The following SHISA9 variants were observed in gnomAD, a reference collection of about 807,000 sequenced individuals.
SHISA9 encodes the protein protein shisa-9.
SHISA9 carries 13 observed loss-of-function variants against 38.0 expected under a neutral mutation model. The observed-to-expected ratio is 0.34, with a 90% CI of 0.22 to 0.54. The LOEUF (loss-of-function observed/expected upper bound fraction) is 0.54, where lower values mean the gene tolerates loss of function less well. SHISA9 is among the 20% of genes least tolerant of loss of function. The probability of loss-of-function intolerance (pLI) is 0.91; values close to 1 mark genes in which losing one functional copy is unlikely to be tolerated. For synonymous variants in SHISA9, 275 were observed against 242.0 expected, an observed-to-expected ratio of 1.14 and a Z score of -1.27; for missense variants, 538 against 575.8, an observed-to-expected ratio of 0.93 and a Z score of 0.67.
chr16:13,077,285 C>G (rs1238664937), intron 2 of SHISA9, among the ~76,000 whole-genome samples: 1 of 151,816 alleles, frequency 6.6e-6, no homozygotes, highest in Non-Finnish European at 1.5e-5. Flanking sequence ...TATGTCCAGA[C>G]CAGTGTTCTC....
At chr16:12,917,757 G>A (rs886230645) in intron 2 of SHISA9, among the ~76,000 whole-genome samples, 1 of 152,200 alleles carries the variant, frequency 6.6e-6, no homozygotes, top group African/African-American at 2.4e-5. Flanking sequence ...GCATTTAGTT[G>A]TGGCTGGAGG....
intron 2 of SHISA9, among the ~76,000 whole-genome samples, chr16:12,990,927 A>G (rs2072376775): frequency 6.6e-6 from 1 of 152,230 alleles, no homozygotes. Flanking sequence ...CTCAAAGATT[A>G]TAACTTCTTT....
intron 4 of SHISA9, 101 bp downstream of exon 4, chr16:13,213,401 C>A: frequency 1.8e-6 from 2 of 1,103,194 alleles, no homozygotes; most frequent in Non-Finnish European, 1.3e-6. Flanking sequence ...GACCTGTGCA[C>A]ATGTGTGTCT....
At chr16:13,555,343 T>C in the SHISA9 span, among the ~76,000 whole-genome samples, 1 of 152,206 alleles carries the variant, frequency 6.6e-6, no homozygotes, top group Non-Finnish European at 1.5e-5. Context: ...ATAGAAGCGT[T>C]TTTTGATAAT....
the SHISA9 span, among the ~76,000 whole-genome samples, chr16:13,372,448 A>C: frequency 6.6e-6 from 1 of 152,192 alleles, no homozygotes; most frequent in African/African-American, 2.4e-5. Flanking sequence ...ACAAAGTCTT[A>C]GGTCTAATTG....
At chr16:13,133,239 T>C (rs971504048) in intron 2 of SHISA9, among the ~76,000 whole-genome samples, 1 of 152,190 alleles carries the variant, frequency 6.6e-6, no homozygotes, top group Admixed American at 6.5e-5. Flanking sequence ...GGATTTTCAT[T>C]GATGTGGAGG....
chr16:13,039,022 C>A (rs1394402875), intron 2 of SHISA9, among the ~76,000 whole-genome samples: 1 of 152,122 alleles, frequency 6.6e-6, no homozygotes, highest in Non-Finnish European at 1.5e-5. Flanking sequence ...GATTCTCCTG[C>A]CTCAGCCTCC....
intron 2 of SHISA9, among the ~76,000 whole-genome samples, chr16:13,004,971 G>C (rs1424649679): frequency 6.6e-6 from 1 of 150,594 alleles, no homozygotes; most frequent in Non-Finnish European, 1.5e-5. Context: ...AAAAAAGAAA[G>C]AAAGAAACAG....
chr16:12,940,151 T>G (rs1032638350), intron 2 of SHISA9, among the ~76,000 whole-genome samples: 2 of 152,222 alleles, frequency 1.3e-5, no homozygotes, highest in African/African-American at 4.8e-5. Context: ...TTCTTCTGCC[T>G]GCTTGTGGTT....
chr16:13,307,762 A>G, the SHISA9 span, among the ~76,000 whole-genome samples: 1 of 152,234 alleles, frequency 6.6e-6, no homozygotes, highest in Non-Finnish European at 1.5e-5. Context: ...GGAAATGAAC[A>G]AAAAGTAGGT....
At chr16:13,064,289 T>C (rs2073408927) in intron 2 of SHISA9, among the ~76,000 whole-genome samples, 1 of 152,138 alleles carries the variant, frequency 6.6e-6, no homozygotes, top group South Asian at 2.1e-4. Context: ...GCTAGGTACT[T>C]TTATAGATCC....
chr16:13,320,034 C>G, the SHISA9 span, among the ~76,000 whole-genome samples: 1 of 151,362 alleles, frequency 6.6e-6, no homozygotes, highest in Admixed American at 6.6e-5. Context: ...GGCTCGCACC[C>G]GTAATCCAAG....
chr16:13,500,132 T>C, the SHISA9 span, among the ~76,000 whole-genome samples: 2 of 152,118 alleles, frequency 1.3e-5, no homozygotes, highest in Non-Finnish European at 2.9e-5. Flanking sequence ...TAGGGGCGGT[T>C]TCCCCCATGC....
At chr16:13,101,206 G>C (rs1027970254) in intron 2 of SHISA9, among the ~76,000 whole-genome samples, 6 of 152,164 alleles carry the variant, frequency 3.9e-5, no homozygotes, top group African/African-American at 1.4e-4. Context: ...TGTGACCATT[G>C]CTAACAATAC....
chr16:13,270,176 T>C, the SHISA9 span, among the ~76,000 whole-genome samples: 2 of 152,166 alleles, frequency 1.3e-5, no homozygotes, highest in Non-Finnish European at 2.9e-5. Context: ...TTTGTCTTTA[T>C]TTACATTTCC....
At chr16:13,229,756 A>G (rs2051312992) in intron 4 of SHISA9, among the ~76,000 whole-genome samples, 1 of 152,190 alleles carries the variant, frequency 6.6e-6, no homozygotes, top group South Asian at 2.1e-4. Context: ...GAAATTTATA[A>G]AACAGCGTAG....
intron 4 of SHISA9, among the ~76,000 whole-genome samples, chr16:13,216,754 A>G (rs2051173179): frequency 6.6e-6 from 1 of 152,184 alleles, no homozygotes; most frequent in African/African-American, 2.4e-5. Flanking sequence ...TTGAAGATAC[A>G]AGTTTCTTAC....
intron 3 of SHISA9, among the ~76,000 whole-genome samples, chr16:13,207,949 G>A (rs1407948846): frequency 6.6e-6 from 1 of 152,178 alleles, no homozygotes; most frequent in Non-Finnish European, 1.5e-5. Flanking sequence ...AGAGAATAAG[G>A]AGAGGTTAGA....
At chr16:13,360,222 T>C in the SHISA9 span, among the ~76,000 whole-genome samples, 1 of 152,208 alleles carries the variant, frequency 6.6e-6, no homozygotes, top group African/African-American at 2.4e-5. Flanking sequence ...CAGAGAACTG[T>C]CCTGCACCCT....
Sources: allele counts gnomAD v4.1 joint callset (sites outside exome capture counted in the v4.1 genomes callset), GRCh38; gene constraint gnomAD v4.1.1; transcripts MANE v1.5; gene names NCBI Gene and HGNC (gene_info 2026-07-23, HGNC 2026-07-21).